The following IFI16 variants were observed in gnomAD, a reference collection of about 807,000 sequenced individuals.
The protein encoded by IFI16 is interferon gamma inducible protein 16.
IFI16 carries 49 observed loss-of-function variants against 68.4 expected under a neutral mutation model. The observed-to-expected ratio is 0.72, with a 90% CI of 0.57 to 0.91. IFI16 has a LOEUF of 0.91. Among genes scored for constraint, IFI16 ranks in the 40% least tolerant of loss-of-function variants. The pLI, the probability that IFI16 is intolerant of heterozygous loss-of-function variation, is 0.00. For missense variants in IFI16, 878 were observed against 942.9 expected (o/e 0.93, Z 0.90); for synonymous variants, 307 against 315.0 (o/e 0.97, Z 0.27).
chr1:159,051,989 T>C lies in IFI16; in HGVS notation c.1976T>C (p.Met659Thr), dbSNP rs768761469. The C allele has an allele frequency of 2.2e-5, 36 of 1,613,992 alleles. No homozygotes were observed. Among genetic ancestry groups the C allele is most frequent in the Admixed American group, 5.0e-5 (3 of 60,004 alleles). ...GCTGATGTGAATGCTGACCGAAACATGGAGATCCCAAAAGGATTGATTAGA... is the reference window on the plus strand; with the variant it reads ...GCTGATGTGAATGCTGACCGAAACACGGAGATCCCAAAAGGATTGATTAGA... ...LVADVNADRNMEIPKGLIRSA... is the reference protein window; with the variant it reads ...LVADVNADRNTEIPKGLIRSA... Residue 659 changes from methionine to threonine, a missense_variant, in exon 10 of 12, where the codon ATG becomes ACG. Around this residue, in one of 4 missense-constraint regions of IFI16, gnomAD observed 311 missense variants for 305.1 expected, o/e 1.02. Transcript: ENST00000295809.
Position 159,016,593 on chromosome 1 carries a change from C to T in IFI16, c.442C>T (p.Gln148Ter). ...CAAAGGGAGTAAGGTGTCCGAGGAA[C>T]AGACTCAGCCTCCCTCTCCTGCAGG... The part of the protein sequence containing the change: ...GPKGSKVSEE[Q>*]TQPPSPAGAG... Residue 148 changes from glutamine to a stop codon, truncating the protein, a stop_gained, in exon 4 of 12, where the codon CAG (glutamine) becomes TAG (stop). Transcript: ENST00000295809. LOFTEE classifies it high-confidence loss of function. 1 of 1,614,130 alleles carries T rather than the reference C, an allele frequency of 6.2e-7. No homozygotes were observed. The highest frequency in any genetic ancestry group is 1.1e-5 in the South Asian group (1 of 91,080).
upstream of IFI16, among the ~76,000 whole-genome samples, chr1:159,004,660 G>A (rs1463589987): frequency 2.0e-5 from 3 of 152,100 alleles, no homozygotes; most frequent in East Asian, 1.9e-4. Context: ...AGCCGAGATC[G>A]TGCCATCACA....
chr1:159,026,329 C>T (rs1441119322), intron 6 of IFI16, among the ~76,000 whole-genome samples: 1 of 145,286 alleles, frequency 6.9e-6, no homozygotes, highest in Non-Finnish European at 1.5e-5. Flanking sequence ...CGAAGTCTCG[C>T]TCTTGTCCCC....
At chr1:159,034,575 CAT>C (rs1285017385) in intron 7 of IFI16, among the ~76,000 whole-genome samples, 1 of 152,134 alleles carries the variant, frequency 6.6e-6, no homozygotes, top group Admixed American at 6.5e-5. Context: ...GAAGCTTTGA[CAT>C]ATAGATTGCT....
intron 5 of IFI16, 84 bp downstream of exon 5, chr1:159,018,735 A>C (rs969393214): frequency 1.1e-6 from 1 of 937,772 alleles, no homozygotes; most frequent in Non-Finnish European, 1.6e-6. Context: ...AGCTTTGCCT[A>C]TAAACTGGAT....
chr1:159,019,578 C>G (rs1301747095), intron 5 of IFI16, among the ~76,000 whole-genome samples: 1 of 152,096 alleles, frequency 6.6e-6, no homozygotes, highest in Admixed American at 6.5e-5. Context: ...CCTGCCTCAG[C>G]TTCCCAAGTA....
chr1:159,052,346 A>G (rs757399261), intron 10 of IFI16: 14 of 490,666 alleles, frequency 2.9e-5, no homozygotes, highest in East Asian at 1.4e-4. Context: ...TTGGCATTTT[A>G]TTAGTTTTGA....
intron 9 of IFI16, among the ~76,000 whole-genome samples, chr1:159,051,034 T>C (rs1655324738): frequency 6.6e-6 from 1 of 152,198 alleles, no homozygotes; most frequent in Non-Finnish European, 1.5e-5. Flanking sequence ...TGAATGCTAG[T>C]AATATGATTT....
At chr1:159,054,446 A>G (rs1655556745) in intron 11 of IFI16, among the ~76,000 whole-genome samples, 1 of 152,198 alleles carries the variant, frequency 6.6e-6, no homozygotes, top group African/African-American at 2.4e-5. Context: ...CTTCTTTGAT[A>G]GCAATTGCAC....
At chr1:159,053,984 G>A (rs1423111219) in intron 11 of IFI16, among the ~76,000 whole-genome samples, 1 of 152,178 alleles carries the variant, frequency 6.6e-6, no homozygotes, top group Non-Finnish European at 1.5e-5. Context: ...CCACAATGTG[G>A]AGATAATTTA....
chr1:159,044,161 A>G (rs1654837461), intron 7 of IFI16, among the ~76,000 whole-genome samples: 1 of 152,200 alleles, frequency 6.6e-6, no homozygotes, highest in African/African-American at 2.4e-5. Context: ...ACACCATAAA[A>G]AAATGCTATG....
chr1:159,051,578 A>G (rs1323407666), intron 9 of IFI16, 101 bp from the exon 10 acceptor site: 2 of 849,136 alleles, frequency 2.4e-6, no homozygotes, highest in South Asian at 1.7e-5. Flanking sequence ...AGTTAAGGTG[A>G]TACTTGAGGA....
rs368034692 is a variant in IFI16, at chr1:159,039,766, C to A, written c.1330-5531C>A. On this transcript the variant is annotated intron_variant, in intron 7 of 11. Transcript: ENST00000295809. ...AATAAAGTCTTCTCAAGACTTGAAA[C>A]TGCATCTGCAAACTTCTGGCTTCAG... Among the ~76,000 whole-genome samples the A allele has an allele frequency of 1.8e-4, 27 of 152,340 alleles. 2 individuals are homozygous for A. The highest frequency in any genetic ancestry group is 1.2e-3 in the Admixed American group (19 of 15,300).
chr1:159,024,089 C>G (rs937924911), intron 6 of IFI16, among the ~76,000 whole-genome samples: 1 of 152,274 alleles, frequency 6.6e-6, no homozygotes, highest in Admixed American at 6.5e-5. Flanking sequence ...TGCGTACAAG[C>G]GTGATAATAA....
Position 159,014,931 on chromosome 1 carries a change from A to T in IFI16, c.251A>T (p.Lys84Ile), listed in dbSNP as rs1652827593. 1 of 1,606,226 alleles carries T rather than the reference A, an allele frequency of 6.2e-7. No individual in the cohort carries two copies. The highest frequency in any genetic ancestry group is 1.3e-5 in the African/African-American group (1 of 74,168). ...GAAGACCTGGCTGAAACTCTTAAAA[A>T]AGAAAAGTTAAAAGGTAATTGGGAA... ...TLEDLAETLKKEKLKVKGPAL... is the reference protein window; with the variant it reads ...TLEDLAETLKIEKLKVKGPAL... Residue 84 changes from lysine to isoleucine, a missense_variant, in exon 2 of 12, where the codon AAA becomes ATA. Physicochemically the swap from Lys to Ile is moderately radical, Grantham distance 102. Transcript: ENST00000295809.
chr1:159,018,122 C>A, intron 4 of IFI16, 107 bp from the exon 5 acceptor site: 1 of 868,054 alleles, frequency 1.2e-6, no homozygotes. Context: ...CAGCTCTAAA[C>A]ATCTGTGCAA....
At chr1:159,033,487 AC>A (rs1342950030) in intron 7 of IFI16, among the ~76,000 whole-genome samples, 1 of 152,174 alleles carries the variant, frequency 6.6e-6, no homozygotes, top group African/African-American at 2.4e-5. Context: ...ACTTAACTAG[AC>A]GTTGGTTCTT....
intron 6 of IFI16, among the ~76,000 whole-genome samples, chr1:159,024,480 G>A (rs949259743): frequency 6.6e-6 from 1 of 152,090 alleles, no homozygotes; most frequent in Non-Finnish European, 1.5e-5. Flanking sequence ...TAGATGAAGG[G>A]TTTTAGATCT....
intron 8 of IFI16, among the ~76,000 whole-genome samples, chr1:159,046,849 T>C (rs1305455632): frequency 1.3e-5 from 2 of 151,358 alleles, no homozygotes; most frequent in African/African-American, 2.4e-5. Context: ...CTTTAGAGCA[T>C]TTATCATAGC....
Sources: gnomAD v4.1 joint callset for allele counts (sites outside exome capture counted in the v4.1 genomes callset) on GRCh38, gnomAD v4.1.1 for gene constraint, gnomAD v4.1.1 regional missense constraint, MANE v1.5 for transcripts, NCBI Gene and HGNC (gene_info 2026-07-23, HGNC 2026-07-21) for gene names.